MFSD8: variants seen among roughly 807,000 people sequenced by gnomAD.
MFSD8 encodes major facilitator superfamily domain containing 8, also known as major facilitator superfamily domain-containing protein 8.
In MFSD8, 55 loss-of-function variants were observed where a neutral mutation model predicts 66.4. The observed-to-expected ratio is 0.83, with a 90% confidence interval of 0.67 to 1.04. MFSD8 has a LOEUF of 1.04. Ranked by LOEUF, MFSD8 falls within the 50% of genes least tolerant of loss-of-function variation. The pLI, the probability that MFSD8 is intolerant of heterozygous loss-of-function variation, is 0.00. For missense variants in MFSD8, 550 were observed against 627.6 expected (o/e 0.88, Z 1.32); for synonymous variants, 202 against 212.8 (o/e 0.95, Z 0.44).
At chr4:127,959,852 A>G (rs1413728300) in intron 1 of MFSD8, among the ~76,000 whole-genome samples, 1 of 152,232 alleles carries the variant, frequency 6.6e-6, no homozygotes, top group Non-Finnish European at 1.5e-5. Flanking sequence ...ATATAGGAGA[A>G]TGCAACTGTC....
intron 9 of MFSD8, among the ~76,000 whole-genome samples, chr4:127,929,926 T>A (rs1218767383): frequency 6.6e-6 from 1 of 152,172 alleles, no homozygotes; most frequent in Non-Finnish European, 1.5e-5. Flanking sequence ...CCCAAACATA[T>A]GTACATCTAT....
At chr4:127,936,137 C>T (rs1248354923) in intron 7 of MFSD8, among the ~76,000 whole-genome samples, 2 of 151,440 alleles carry the variant, frequency 1.3e-5, no homozygotes, top group Non-Finnish European at 1.5e-5. Context: ...CTTTTTGAGA[C>T]AGAGCCTCAC....
chr4:127,939,139 G>C, intron 6 of MFSD8: 1 of 210,094 alleles, frequency 4.8e-6, no homozygotes, highest in Middle Eastern at 1.8e-3. Context: ...AATGTTTTTA[G>C]ACTATTGAAT....
intron 9 of MFSD8, among the ~76,000 whole-genome samples, chr4:127,922,441 T>A (rs1473278521): frequency 1.3e-5 from 2 of 151,998 alleles, no homozygotes; most frequent in Non-Finnish European, 2.9e-5. Context: ...CTGGGCAACA[T>A]AGCAAGACCC....
chr4:127,965,376 TGA>T (rs1744933432), upstream of MFSD8: 50 of 604,084 alleles, frequency 8.3e-5, no homozygotes, highest in South Asian at 9.4e-4. Context: ...TGACGGGGAC[TGA>T]GAGCCCAGGA....
rs954807653 is a variant in MFSD8 at position 127,933,361 on chromosome 4, T to G, written c.755-268A>C. 7.2e-5 allele frequency: 21 copies of G among 291,928 alleles called. 1 individual carries two copies. The highest frequency in any genetic ancestry group is 1.7e-4 in the South Asian group (4 of 23,876). 18.1% of individuals were successfully genotyped at this position (291,928 alleles called of 1,614,324 possible). On this transcript the variant is annotated intron_variant, in intron 7 of 11. Transcript: ENST00000641686. ...CCCAGGCTCAGGTGATCCTCCTACC[T>G]CAGCCTCCCAAGAAGCTGGGGCTAC...
At chr4:127,941,963 T>C in intron 5 of MFSD8, 82 bp downstream of exon 5, 1 of 1,118,350 alleles carries the variant, frequency 8.9e-7, no homozygotes, top group Non-Finnish European at 1.4e-6. Flanking sequence ...TATGAGTTTT[T>C]ATACTTGGGT....
chr4:127,940,879 G>C (rs1740077074), intron 5 of MFSD8, among the ~76,000 whole-genome samples: 1 of 152,064 alleles, frequency 6.6e-6, no homozygotes, highest in Admixed American at 6.6e-5. Flanking sequence ...ACTTAGAACA[G>C]TGACTAGCAT....
At chr4:127,941,990 G>A in intron 5 of MFSD8, 55 bp downstream of exon 5, 1 of 1,329,146 alleles carries the variant, frequency 7.5e-7, no homozygotes, top group Non-Finnish European at 1.1e-6. Flanking sequence ...GAATATTTAA[G>A]CCTCAAAAGT....
Position 127,928,608 on chromosome 4 carries a change from T to C in MFSD8, c.998+2075A>G, listed in dbSNP as rs190937292. On this transcript the variant is annotated intron_variant, in intron 9 of 11. Transcript: ENST00000641686. ...AGGGAATAATGGATGCTGGCGAGGA[T>C]GTGGAGAAAGGGGAACCCTTGTATA... 3.3e-3 allele frequency among the ~76,000 whole-genome samples: 498 copies of C among 152,244 alleles called. 2 individuals carry two copies. The highest frequency in any genetic ancestry group is 5.6e-3 in the Non-Finnish European group (379 of 68,010).
In MFSD8 at chr4:127,962,771, A is replaced by G. The variant is rs75244713; in HGVS notation, c.62+2301T>C. On this transcript the variant is annotated intron_variant, in intron 1 of 11. Transcript: ENST00000641686. Reference sequence around the variant, plus strand: ...TCAGGACATCACTCTACTAAAATTCATATCAGCATCTAAACTCATTTTAAT... The same window carrying G: ...TCAGGACATCACTCTACTAAAATTCGTATCAGCATCTAAACTCATTTTAAT... 4.4e-3 allele frequency among the ~76,000 whole-genome samples: 670 copies of G among 152,352 alleles called. 9 individuals are homozygous for G. The highest frequency in any genetic ancestry group is 0.015 in the African/African-American group (640 of 41,578).
chr4:127,965,304 G>A, upstream of MFSD8: 4 of 760,466 alleles, frequency 5.3e-6, no homozygotes, highest in Non-Finnish European at 8.9e-6. Flanking sequence ...GGAAGGCCGG[G>A]CAGCGCAGGG....
rs1736085036 is a variant in MFSD8 at position 127,919,071 on chromosome 4, G to A, written c.*1559C>T. 6.6e-6 allele frequency: 1 copy of A among 152,176 alleles called. No homozygotes were observed. The highest frequency in any genetic ancestry group is 1.5e-5 in the Non-Finnish European group (1 of 68,038). 9.4% of individuals were successfully genotyped at this position (152,176 alleles called of 1,614,324 possible). On this transcript the variant is annotated 3_prime_UTR_variant, in exon 12 of 12. Coordinates refer to ENST00000641686, the MANE Select transcript of MFSD8 (RefSeq NM_001371596.2). ...AAGCAGTCTTGCTATGGGCGGCAGA[G>A]GAGAGTGAAAACAGTCTTCAAAATT...
chr4:127,933,978 C>T lies in MFSD8; in HGVS notation c.755-885G>A, dbSNP rs534774258. 3.9e-5 allele frequency among the ~76,000 whole-genome samples: 6 copies of T among 152,246 alleles called. No homozygotes were observed. The East Asian group carries it at 1.2e-3, about 29-fold the overall frequency. On this transcript the variant is annotated intron_variant, in intron 7 of 11. Transcript: ENST00000641686. ...TTACATGTGGTTTACATGTGGATTA[C>T]ATGTGGATTACAGCAGGTGGGAGGC...
intron 9 of MFSD8, among the ~76,000 whole-genome samples, chr4:127,922,782 G>A (rs1736532680): frequency 1.3e-5 from 2 of 152,042 alleles, no homozygotes; most frequent in South Asian, 4.2e-4. Context: ...CCAAATAGTT[G>A]GTGAGGGAAA....
Position 127,930,744 on chromosome 4 carries a change from G to A in MFSD8, c.937C>T (p.Leu313Phe). 1 of 1,613,502 alleles carries A rather than the reference G, an allele frequency of 6.2e-7. No homozygotes were observed. Among genetic ancestry groups the A allele is most frequent in the African/African-American group, 1.3e-5 (1 of 74,992 alleles). The change falls in exon 9 of 12, where the codon CTT becomes TTT. Residue 313 changes from leucine to phenylalanine, a missense_variant. Transcript: ENST00000641686. ...ACGGCTTCAACCCCAAGAGCAGCAA[G>A]TATTATGCCATTATATAACACAGCT... is the stretch of plus-strand genomic sequence containing the variant. ...EQAVLYNGII[L>F]AALGVEAVVI...
rs1579048119 is a variant in MFSD8 at position 127,964,831 on chromosome 4, G to A, written c.62+241C>T. On this transcript the variant is annotated intron_variant, in intron 1 of 11. Coordinates refer to ENST00000641686, the MANE Select transcript of MFSD8 (RefSeq NM_001371596.2). ...GGGTGCTGCAACAGGCAAAGCAGCA[G>A]CCTGGGTTTCTCCAGCCCCGTCACT... 2.0e-5 allele frequency: 12 copies of A among 606,166 alleles called. No individual in the cohort carries two copies. In the East Asian group the frequency reaches 3.3e-4, roughly 17 times the overall value. The allele number at this position is 606,166 out of a possible 1,614,324, so 37.5% of individuals were successfully genotyped here.
At position 127,954,363 on chromosome 4, in the gene MFSD8, C is replaced by T. The variant is rs1742514196; in HGVS notation, c.154+3138G>A. Reference sequence around the variant, plus strand: ...CAGGTGTGGGGCTCATGCCTGTAATCCCAGCACTTTGGGAGGCCAAGGCAG... The same window carrying T: ...CAGGTGTGGGGCTCATGCCTGTAATTCCAGCACTTTGGGAGGCCAAGGCAG... On this transcript the variant is annotated intron_variant, in intron 2 of 11. Coordinates refer to ENST00000641686, the MANE Select transcript of MFSD8 (RefSeq NM_001371596.2). 2.6e-5 allele frequency among the ~76,000 whole-genome samples: 4 copies of T among 152,238 alleles called. No homozygotes were observed. In the South Asian group the frequency reaches 8.3e-4, roughly 32 times the overall value.
At chr4:127,926,707 T>C (rs1737263813) in intron 9 of MFSD8, among the ~76,000 whole-genome samples, 3 of 152,168 alleles carry the variant, frequency 2.0e-5, no homozygotes, top group Middle Eastern at 6.8e-3. Context: ...AGAATTCTCA[T>C]AGTACCCCCA....
Sources: gnomAD v4.1 joint callset for allele counts (sites outside exome capture counted in the v4.1 genomes callset) on GRCh38, gnomAD v4.1.1 for gene constraint, MANE v1.5 for transcripts, NCBI Gene and HGNC (gene_info 2026-07-23, HGNC 2026-07-21) for gene names.